PDE10A: variants seen among roughly 807,000 people sequenced by gnomAD.
The protein encoded by PDE10A is phosphodiesterase 10A.
Under a neutral mutation model 97.7 loss-of-function variants are expected in PDE10A, and 39 were observed. The observed-to-expected ratio is 0.40, with a 90% CI of 0.31 to 0.52. PDE10A has a LOEUF of 0.52. PDE10A is among the 20% of genes least tolerant of loss of function. PDE10A has a pLI of 0.56. For missense variants in PDE10A, 731 were observed against 1,047.8 expected, an observed-to-expected ratio of 0.70 and a Z score of 4.17; for synonymous variants, 371 against 376.8, an observed-to-expected ratio of 0.98 and a Z score of 0.18.
intron 1 of PDE10A, among the ~76,000 whole-genome samples, chr6:165,772,781 G>GA (rs1301353545): frequency 6.6e-6 from 1 of 152,132 alleles, no homozygotes; most frequent in Non-Finnish European, 1.5e-5. Context: ...GAGACAGAGT[G>GA]AAAAATCCGA....
intron 3 of PDE10A, among the ~76,000 whole-genome samples, chr6:165,475,583 T>G (rs947787208): frequency 6.6e-6 from 1 of 152,190 alleles, no homozygotes; most frequent in African/African-American, 2.4e-5. Flanking sequence ...AAAATTACAC[T>G]GTTGCATCAA....
intron 18 of PDE10A, among the ~76,000 whole-genome samples, chr6:165,347,450 AT>A (rs1319871927): frequency 6.6e-6 from 1 of 152,182 alleles, no homozygotes; most frequent in African/African-American, 2.4e-5. Flanking sequence ...TTAAAAATAC[AT>A]TTTTTCCATC....
At chr6:165,883,108 C>T (rs1018313714) in intron 1 of PDE10A, among the ~76,000 whole-genome samples, 6 of 152,096 alleles carry the variant, frequency 3.9e-5, no homozygotes, top group Non-Finnish European at 7.4e-5. Flanking sequence ...CAGTGGCGCA[C>T]GCCTGCAGTC....
At chr6:165,914,857 AG>A (rs1453033262) in intron 1 of PDE10A, among the ~76,000 whole-genome samples, 1 of 152,216 alleles carries the variant, frequency 6.6e-6, no homozygotes, top group Non-Finnish European at 1.5e-5. Flanking sequence ...AAAATTGGAA[AG>A]GGGATTCCAG....
At chr6:165,927,988 C>T (rs867161771) in intron 1 of PDE10A, among the ~76,000 whole-genome samples, 29 of 150,716 alleles carry the variant, frequency 1.9e-4, no homozygotes, top group Non-Finnish European at 3.8e-4. Context: ...TGAGCCACCA[C>T]GCCAGGCTGA....
At chr6:165,902,704 C>T (rs9365938) in intron 1 of PDE10A, among the ~76,000 whole-genome samples, 23,918 of 152,068 alleles carry the variant, frequency 0.16, 2,080 homozygotes, top group East Asian at 0.27. Flanking sequence ...GTGTGGCGCA[C>T]GGGCTGTTCT....
At chr6:165,857,981 A>G (rs576229785) in intron 1 of PDE10A, among the ~76,000 whole-genome samples, 33 of 152,196 alleles carry the variant, frequency 2.2e-4, no homozygotes, top group Non-Finnish European at 4.3e-4. Flanking sequence ...GCACACATGC[A>G]AACATATTTG....
At chr6:165,656,048 G>C (rs574684626) in intron 1 of PDE10A, among the ~76,000 whole-genome samples, 1 of 152,084 alleles carries the variant, frequency 6.6e-6, no homozygotes, top group South Asian at 2.1e-4. Flanking sequence ...TCGCTGTGCA[G>C]CTCTCTTGGT....
chr6:165,867,239 A>AG (rs1781082014), intron 1 of PDE10A, among the ~76,000 whole-genome samples: 1 of 151,574 alleles, frequency 6.6e-6, no homozygotes, highest in South Asian at 2.1e-4. Flanking sequence ...GGAAAAAAAA[A>AG]AAAAACCATG....
At chr6:165,825,331 C>T (rs1779706649) in intron 1 of PDE10A, among the ~76,000 whole-genome samples, 1 of 151,996 alleles carries the variant, frequency 6.6e-6, no homozygotes, top group Non-Finnish European at 1.5e-5. Flanking sequence ...TTTTTCATTC[C>T]TCATGGCAAA....
chr6:165,457,343 GA>G (rs1239003010), intron 3 of PDE10A, among the ~76,000 whole-genome samples: 2 of 121,174 alleles, frequency 1.7e-5, no homozygotes, highest in Non-Finnish European at 3.5e-5. Flanking sequence ...TTCCAAAGTA[GA>G]GTTAAGCTGG....
chr6:165,635,143 G>C (rs535946928), intron 1 of PDE10A, among the ~76,000 whole-genome samples: 19 of 152,308 alleles, frequency 1.2e-4, no homozygotes, highest in African/African-American at 4.6e-4. Flanking sequence ...CTAAGACTGA[G>C]AGGCAGCCTA....
intron 1 of PDE10A, among the ~76,000 whole-genome samples, chr6:165,739,878 A>G (rs1315203725): frequency 2.6e-5 from 4 of 152,184 alleles, no homozygotes; most frequent in Non-Finnish European, 5.9e-5. Flanking sequence ...AACGTCTCTA[A>G]TCATCAGGGA....
intron 1 of PDE10A, among the ~76,000 whole-genome samples, chr6:165,761,430 C>G (rs956393806): frequency 6.7e-6 from 1 of 148,606 alleles, no homozygotes; most frequent in South Asian, 2.2e-4. Context: ...GAACATCAGT[C>G]CAGCAGCCCC....
chr6:165,892,561 G>T (rs1397909098), intron 1 of PDE10A, among the ~76,000 whole-genome samples: 1 of 152,212 alleles, frequency 6.6e-6, no homozygotes, highest in East Asian at 1.9e-4. Flanking sequence ...AGGCATGGGT[G>T]CATGCGCTCT....
At chr6:165,794,141 TCACTCACACA>T (rs1562739760) in intron 1 of PDE10A, among the ~76,000 whole-genome samples, 2 of 148,476 alleles carry the variant, frequency 1.3e-5, no homozygotes, top group Non-Finnish European at 3.0e-5. Context: ...ACGCTCACAC[TCACTCACACA>T]CACTCACTGC....
chr6:165,563,147 C>T (rs1784602043), intron 1 of PDE10A, among the ~76,000 whole-genome samples: 2 of 141,180 alleles, frequency 1.4e-5, no homozygotes, highest in Admixed American at 1.5e-4. Flanking sequence ...TATCCCACAA[C>T]CGAATACAGG....
At chr6:165,632,769 A>T (rs1466545057) in intron 1 of PDE10A, among the ~76,000 whole-genome samples, 1 of 152,222 alleles carries the variant, frequency 6.6e-6, no homozygotes, top group Non-Finnish European at 1.5e-5. Flanking sequence ...CATCACAAGT[A>T]TGGGAATGAG....
chr6:165,901,398 G>A (rs1222674459), intron 1 of PDE10A, among the ~76,000 whole-genome samples: 1 of 152,182 alleles, frequency 6.6e-6, no homozygotes, highest in Non-Finnish European at 1.5e-5. Flanking sequence ...AACAGCCGGT[G>A]GCTCCTGCGG....
Sources: allele counts gnomAD v4.1 joint callset (sites outside exome capture counted in the v4.1 genomes callset), GRCh38; gene constraint gnomAD v4.1.1; transcripts MANE v1.5; gene names NCBI Gene and HGNC (gene_info 2026-07-23, HGNC 2026-07-21).